Variants in HS6ST3 observed in about 807,000 individuals in gnomAD.
HS6ST3 encodes heparan-sulfate 6-O-sulfotransferase 3.
HS6ST3 carries 12 observed loss-of-function variants against 36.7 expected under a neutral mutation model. The observed-to-expected ratio is 0.33, with a 90% CI of 0.21 to 0.53. The LOEUF is 0.53. HS6ST3 is among the 20% of genes least tolerant of loss of function. The pLI is 0.95. For synonymous variants in HS6ST3, 240 were observed against 257.5 expected (o/e 0.93, Z 0.65); for missense variants, 584 against 640.9 (o/e 0.91, Z 0.96).
At chr13:96,738,800 T>C (rs969262975) in intron 1 of HS6ST3, among the ~76,000 whole-genome samples, 2 of 152,228 alleles carry the variant, frequency 1.3e-5, no homozygotes, top group Non-Finnish European at 2.9e-5. Flanking sequence ...TTTTTATTTC[T>C]CTCATGCAGA....
chr13:96,418,064 G>GCA (rs969198828), intron 1 of HS6ST3, among the ~76,000 whole-genome samples: 53 of 152,140 alleles, frequency 3.5e-4, no homozygotes, highest in African/African-American at 1.3e-3. Flanking sequence ...TCTTCATAAG[G>GCA]CACATCTCAG....
intron 1 of HS6ST3, among the ~76,000 whole-genome samples, chr13:96,678,066 C>A (rs903206202): frequency 1.7e-4 from 26 of 152,106 alleles, no homozygotes; most frequent in Admixed American, 1.6e-3. Flanking sequence ...GAGGCTGGCA[C>A]CTGGTGAGGG....
At chr13:96,270,195 G>A (rs748457) in intron 1 of HS6ST3, among the ~76,000 whole-genome samples, 64,635 of 151,436 alleles carry the variant, frequency 0.43, 14,161 homozygotes, top group Middle Eastern at 0.51. Context: ...AAGAGGTCAT[G>A]TGAGCACACA....
At chr13:96,801,512 ATG>A (rs749168394) in intron 1 of HS6ST3, among the ~76,000 whole-genome samples, 4 of 151,720 alleles carry the variant, frequency 2.6e-5, no homozygotes, top group Admixed American at 2.0e-4. Context: ...GCCTTTATAT[ATG>A]TGTGTGTGTG....
chr13:96,242,264 C>T (rs1180348410), intron 1 of HS6ST3, among the ~76,000 whole-genome samples: 4 of 151,600 alleles, frequency 2.6e-5, no homozygotes, highest in African/African-American at 9.7e-5. Flanking sequence ...CTCTGTCCCC[C>T]AAGGTAGAGT....
intron 1 of HS6ST3, among the ~76,000 whole-genome samples, chr13:96,524,111 C>A (rs1169636432): frequency 6.6e-6 from 1 of 152,180 alleles, no homozygotes; most frequent in Non-Finnish European, 1.5e-5. Flanking sequence ...TTCTAACAGG[C>A]CCCTCAGCTG....
intron 1 of HS6ST3, among the ~76,000 whole-genome samples, chr13:96,548,103 C>G (rs941964301): frequency 6.6e-6 from 1 of 152,144 alleles, no homozygotes; most frequent in African/African-American, 2.4e-5. Flanking sequence ...GCACGCCCCC[C>G]ACACCGTGCC....
chr13:96,152,552 T>A (rs2054091348), intron 1 of HS6ST3, among the ~76,000 whole-genome samples: 1 of 152,062 alleles, frequency 6.6e-6, no homozygotes, highest in African/African-American at 2.4e-5. Context: ...TTAGCCAGGA[T>A]GGTCTCCATC....
At chr13:96,394,281 C>G (rs1703616174) in intron 1 of HS6ST3, among the ~76,000 whole-genome samples, 3 of 149,540 alleles carry the variant, frequency 2.0e-5, no homozygotes, top group African/African-American at 7.4e-5. Context: ...GAGACACACT[C>G]ACCCAGCTTC....
intron 1 of HS6ST3, among the ~76,000 whole-genome samples, chr13:96,172,934 G>A (rs1320056269): frequency 2.0e-5 from 3 of 152,172 alleles, no homozygotes; most frequent in Admixed American, 6.6e-5. Flanking sequence ...AATCCTATCA[G>A]CAGTACTCTT....
At chr13:96,610,833 G>A (rs1006195237) in intron 1 of HS6ST3, among the ~76,000 whole-genome samples, 38 of 150,800 alleles carry the variant, frequency 2.5e-4, no homozygotes, top group African/African-American at 9.0e-4. Flanking sequence ...AGAGAAGTTT[G>A]TAGCTGTGCT....
rs147300528 is a variant in HS6ST3 at position 96,706,943 on chromosome 13, G to A, written c.708-125547G>A. 4.6e-5 allele frequency among the ~76,000 whole-genome samples: 7 copies of A among 152,174 alleles called. No individual in the cohort carries two copies. The East Asian group carries it at 9.7e-4, about 21-fold the overall frequency. On this transcript the variant is annotated intron_variant, in intron 1 of 1. Transcript: ENST00000376705. ...CTGACTTTGCATTAGAATAATCTGA[G>A]TAGCTTTCAAAAAAAGGAAATATAT...
At chr13:96,268,355 G>A (rs562741599) in intron 1 of HS6ST3, among the ~76,000 whole-genome samples, 7 of 152,056 alleles carry the variant, frequency 4.6e-5, no homozygotes, top group African/African-American at 7.3e-5. Flanking sequence ...TTCACATGGC[G>A]GCAGCAGGGA....
Position 96,838,600 on chromosome 13 carries a change from G to A in HS6ST3, c.*5402G>A, listed in dbSNP as rs1366067900. 1 of 152,472 alleles carries A rather than the reference G, an allele frequency of 6.6e-6. No homozygotes were observed. The highest frequency in any genetic ancestry group is 2.4e-5 in the African/African-American group (1 of 41,446). The allele number at this position is 152,472 out of a possible 1,614,324, so 9.4% of individuals were successfully genotyped here. ...GGGTTCTTTCTCCAAGGCACTTTCGGCCTTCCTTCTTCTCCCCTTCCGCCA... is the reference window on the plus strand; with the variant it reads ...GGGTTCTTTCTCCAAGGCACTTTCGACCTTCCTTCTTCTCCCCTTCCGCCA... On this transcript the variant is annotated 3_prime_UTR_variant, in exon 2 of 2. Transcript: ENST00000376705.
At chr13:96,470,785 C>T (rs1381381349) in intron 1 of HS6ST3, among the ~76,000 whole-genome samples, 1 of 152,166 alleles carries the variant, frequency 6.6e-6, no homozygotes, top group Non-Finnish European at 1.5e-5. Flanking sequence ...CAGACATTTT[C>T]CTGCCCACCT....
chr13:96,359,120 T>A (rs2055224735), intron 1 of HS6ST3, among the ~76,000 whole-genome samples: 1 of 152,128 alleles, frequency 6.6e-6, no homozygotes, highest in South Asian at 2.1e-4. Flanking sequence ...TCTTTACTTT[T>A]GGGGGCAATT....
intron 1 of HS6ST3, among the ~76,000 whole-genome samples, chr13:96,157,336 A>C (rs1474937590): frequency 6.6e-6 from 1 of 152,224 alleles, no homozygotes; most frequent in East Asian, 1.9e-4. Flanking sequence ...TTTAGAAATG[A>C]GGAGAAGCTC....
chr13:96,128,794 C>T (rs2053963063), intron 1 of HS6ST3, among the ~76,000 whole-genome samples: 1 of 151,942 alleles, frequency 6.6e-6, no homozygotes, highest in Non-Finnish European at 1.5e-5. Context: ...TGTGAATGTG[C>T]CTGGGAGATC....
At chr13:96,595,619 GCTTTATAGCC>G (rs2056398736) in intron 1 of HS6ST3, among the ~76,000 whole-genome samples, 4 of 151,786 alleles carry the variant, frequency 2.6e-5, no homozygotes, top group Admixed American at 1.3e-4. Context: ...TTTTAGATAA[GCTTTATAGCC>G]CTTTATCTTT....
Sources: allele counts gnomAD v4.1 joint callset (sites outside exome capture counted in the v4.1 genomes callset), GRCh38; gene constraint gnomAD v4.1.1; transcripts MANE v1.5; gene names NCBI Gene and HGNC (gene_info 2026-07-23, HGNC 2026-07-21).